Variants in REC114 observed in about 807,000 individuals in gnomAD.
REC114 encodes the protein meiotic recombination protein REC114.
In REC114, 27 loss-of-function variants were observed where a neutral mutation model predicts 31.3. The observed-to-expected ratio is 0.86, with a 90% CI of 0.64 to 1.19. The LOEUF is 1.19. REC114 is among the 50% of genes most tolerant of loss of function. The pLI is 0.00. For missense variants in REC114, 344 were observed against 326.9 expected (o/e 1.05, Z -0.40); for synonymous variants, 134 against 127.7 (o/e 1.05, Z -0.33).
chr15:73,459,207 G>A lies in REC114; in HGVS notation c.160-14625G>A, dbSNP rs894336526. Among the ~76,000 whole-genome samples the A allele has an allele frequency of 2.6e-5, 4 of 151,734 alleles. No homozygotes were observed. The South Asian group carries it at 8.3e-4, about 32-fold the overall frequency. ...TTTTATTTTACATTTTACAGATGCGGTAATTAAATATACTTTTTCTTTTTT... is the reference window on the plus strand; with the variant it reads ...TTTTATTTTACATTTTACAGATGCGATAATTAAATATACTTTTTCTTTTTT... On this transcript the variant is annotated intron_variant, in intron 1 of 5. Transcript: ENST00000331090.
At chr15:73,549,935 A>G (rs1894364802) in intron 3 of REC114, among the ~76,000 whole-genome samples, 1 of 152,194 alleles carries the variant, frequency 6.6e-6, no homozygotes, top group Non-Finnish European at 1.5e-5. Context: ...CAGGAAAATC[A>G]AGGACTATTT....
chr15:73,526,392 CTT>C (rs1894008512), intron 2 of REC114, among the ~76,000 whole-genome samples: 1 of 152,054 alleles, frequency 6.6e-6, no homozygotes, highest in South Asian at 2.1e-4. Context: ...CTTTTTCCCT[CTT>C]TTCGTTACTT....
chr15:73,546,754 C>T (rs1185019706), intron 3 of REC114, among the ~76,000 whole-genome samples: 3 of 143,142 alleles, frequency 2.1e-5, no homozygotes, highest in Non-Finnish European at 3.0e-5. Context: ...GTGGAGGTTG[C>T]GGTGAGCCGA....
chr15:73,541,096 A>T (rs1354737342), intron 3 of REC114, among the ~76,000 whole-genome samples: 1 of 152,212 alleles, frequency 6.6e-6, no homozygotes, highest in African/African-American at 2.4e-5. Flanking sequence ...GATAATATTG[A>T]AATTTAAGTG....
At chr15:73,459,307 ACAATCTCCACCTCGCAGGGT>A (rs1892958159) in intron 1 of REC114, among the ~76,000 whole-genome samples, 1 of 150,238 alleles carries the variant, frequency 6.7e-6, no homozygotes, top group African/African-American at 2.5e-5. Flanking sequence ...TTGGTTTACC[ACAATCTCCACCTCGCAGGGT>A]CAAGCGATTC....
At chr15:73,513,618 TTTTCGGTGTGGATGTCC>T (rs1275972998) in intron 2 of REC114, among the ~76,000 whole-genome samples, 1 of 151,830 alleles carries the variant, frequency 6.6e-6, no homozygotes, top group Admixed American at 6.6e-5. Context: ...TACAGATGGG[TTTTCGGTGTGGATGTCC>T]TTTCTGTTTG....
Position 73,533,616 on chromosome 15 carries a change from T to C in REC114, c.250-6869T>C, listed in dbSNP as rs1281669347. 4.6e-5 allele frequency among the ~76,000 whole-genome samples: 7 copies of C among 150,924 alleles called. No individual in the cohort carries two copies. In the East Asian group the frequency reaches 1.4e-3, roughly 30 times the overall value. ...GACTTTAACACCCCAATGTCAACATTAGACAGATCAATGAGACAGAAAGTC... is the reference window on the plus strand; with the variant it reads ...GACTTTAACACCCCAATGTCAACATCAGACAGATCAATGAGACAGAAAGTC... On this transcript the variant is annotated intron_variant, in intron 2 of 5. Transcript: ENST00000331090.
At chr15:73,508,748 T>C (rs1595873318) in intron 2 of REC114, among the ~76,000 whole-genome samples, 1 of 151,058 alleles carries the variant, frequency 6.6e-6, no homozygotes, top group East Asian at 1.9e-4. Context: ...TCCAATTTCA[T>C]CCATGTCCCT....
intron 4 of REC114, among the ~76,000 whole-genome samples, chr15:73,552,574 T>C (rs1289471027): frequency 6.6e-6 from 1 of 152,198 alleles, no homozygotes; most frequent in African/African-American, 2.4e-5. Flanking sequence ...AGGGGTCTTG[T>C]GATAAAAAAG....
chr15:73,500,738 T>G (rs1395625932), intron 2 of REC114, among the ~76,000 whole-genome samples: 1 of 151,922 alleles, frequency 6.6e-6, no homozygotes, highest in Non-Finnish European at 1.5e-5. Flanking sequence ...GTTTTTTTTT[T>G]TTTTTTTTCA....
At chr15:73,484,657 G>A (rs1893342734) in intron 2 of REC114, among the ~76,000 whole-genome samples, 1 of 152,156 alleles carries the variant, frequency 6.6e-6, no homozygotes, top group Non-Finnish European at 1.5e-5. Context: ...ATATCCAAAT[G>A]GGAGAAGTTA....
At chr15:73,509,835 G>T (rs1893736887) in intron 2 of REC114, among the ~76,000 whole-genome samples, 1 of 152,058 alleles carries the variant, frequency 6.6e-6, no homozygotes, top group Admixed American at 6.6e-5. Flanking sequence ...TGCTGTTTTG[G>T]TTACTGTAGC....
At chr15:73,522,062 T>C (rs1055435605) in intron 2 of REC114, among the ~76,000 whole-genome samples, 4 of 152,056 alleles carry the variant, frequency 2.6e-5, no homozygotes, top group Non-Finnish European at 4.4e-5. Context: ...GTAGAAAAAG[T>C]AGATGATCAT....
chr15:73,494,485 C>G (rs1893489166), intron 2 of REC114, among the ~76,000 whole-genome samples: 1 of 145,248 alleles, frequency 6.9e-6, no homozygotes, highest in African/African-American at 2.6e-5. Flanking sequence ...GAACAAGACC[C>G]TGTCTCAAAA....
rs573837780 is a variant in REC114, at chr15:73,553,243, G to A, written c.546+2093G>A. Among the ~76,000 whole-genome samples, 15 of 152,280 alleles carry A rather than the reference G, an allele frequency of 9.9e-5. No individual in the cohort carries two copies. The South Asian group carries it at 3.1e-3, about 32-fold the overall frequency. Reference sequence around the variant, plus strand: ...TTGAATGTATTTAGTTTACCAAACAGATTTTGGTGTTTTCCTTCCCTTCGT... The same window carrying A: ...TTGAATGTATTTAGTTTACCAAACAAATTTTGGTGTTTTCCTTCCCTTCGT... On this transcript the variant is annotated intron_variant, in intron 4 of 5. Transcript: ENST00000331090.
At chr15:73,484,161 ACATTTTTGGCCAGATCT>A (rs1893335142) in intron 2 of REC114, among the ~76,000 whole-genome samples, 1 of 152,036 alleles carries the variant, frequency 6.6e-6, no homozygotes, top group African/African-American at 2.4e-5. Flanking sequence ...AGCTTTTAAA[ACATTTTTGGCCAGATCT>A]CATGTGATCT....
At chr15:73,445,309 G>A (rs932096574) in intron 1 of REC114, among the ~76,000 whole-genome samples, 1 of 152,152 alleles carries the variant, frequency 6.6e-6, no homozygotes, top group Non-Finnish European at 1.5e-5. Context: ...TTTTGAATAC[G>A]TTAAAAAATC....
chr15:73,458,562 T>C (rs1489541467), intron 1 of REC114, among the ~76,000 whole-genome samples: 1 of 152,216 alleles, frequency 6.6e-6, no homozygotes, highest in East Asian at 1.9e-4. Context: ...TGAAAGTTTA[T>C]GATTTTCCGC....
intron 3 of REC114, among the ~76,000 whole-genome samples, chr15:73,541,679 C>T (rs766131028): frequency 3.7e-4 from 57 of 152,138 alleles, no homozygotes; most frequent in Non-Finnish European, 7.1e-4. Context: ...TGACTTAAGC[C>T]AATAGCCCAG....
Sources: allele counts gnomAD v4.1 joint callset (sites outside exome capture counted in the v4.1 genomes callset), GRCh38; gene constraint gnomAD v4.1.1; transcripts MANE v1.5; gene names NCBI Gene and HGNC (gene_info 2026-07-23, HGNC 2026-07-21).